RARB: variants seen among roughly 807,000 people sequenced by gnomAD.
RARB encodes the protein HBV-activated protein.
Under a neutral mutation model 51.9 loss-of-function variants are expected in RARB, and 17 were observed. That is an observed-to-expected ratio of 0.33 (90% CI 0.22 to 0.49). The LOEUF is 0.49. Ranked by LOEUF, RARB falls within the 20% of genes least tolerant of loss-of-function variation. RARB has a pLI of 0.99. For synonymous variants in RARB, 215 were observed against 195.4 expected, an observed-to-expected ratio of 1.10 and a Z score of -0.84; for missense variants, 369 against 550.8, an observed-to-expected ratio of 0.67 and a Z score of 3.30.
chr3:25,084,860 A>G (rs1699076579), intron 3 of RARB, among the ~76,000 whole-genome samples: 1 of 152,010 alleles, frequency 6.6e-6, no homozygotes, highest in Admixed American at 6.5e-5. Context: ...GTACATTTTA[A>G]AAGAGAATTT....
chr3:25,542,633 C>T (rs1006971125), intron 3 of RARB, among the ~76,000 whole-genome samples: 1 of 152,232 alleles, frequency 6.6e-6, no homozygotes, highest in Non-Finnish European at 1.5e-5. Context: ...TTTTATGTAA[C>T]GAAGCTTTGC....
intron 4 of RARB, among the ~76,000 whole-genome samples, chr3:25,167,408 C>G (rs321522): frequency 1 from 151,716 of 152,356 alleles, 75,539 homozygotes; most frequent in East Asian, 1. Context: ...GGAAGATGGA[C>G]AGCAAATGTG....
chr3:24,891,900 GC>G (rs767507223), intron 2 of RARB, among the ~76,000 whole-genome samples: 40 of 152,090 alleles, frequency 2.6e-4, no homozygotes, highest in Non-Finnish European at 3.1e-4. Context: ...ACTTTCCTAA[GC>G]CCCCCTTGAT....
intron 5 of RARB, among the ~76,000 whole-genome samples, chr3:25,416,491 G>A (rs893282210): frequency 3.3e-5 from 5 of 152,148 alleles, no homozygotes; most frequent in Non-Finnish European, 4.4e-5. Flanking sequence ...CAGGACTGCC[G>A]CTAGATTTCA....
chr3:25,207,762 A>C (rs1701586938), intron 5 of RARB, among the ~76,000 whole-genome samples: 1 of 152,204 alleles, frequency 6.6e-6, no homozygotes, highest in Admixed American at 6.5e-5. Flanking sequence ...GAATGAATGA[A>C]CGAATGCAAT....
At chr3:25,362,249 C>T (rs8179975) in intron 5 of RARB, among the ~76,000 whole-genome samples, 58,258 of 151,996 alleles carry the variant, frequency 0.38, 11,690 homozygotes, top group East Asian at 0.75. Context: ...GCAGTCGGCT[C>T]TGCCCAGGTC....
At chr3:24,906,071 A>G (rs1694856887) in intron 2 of RARB, among the ~76,000 whole-genome samples, 1 of 152,210 alleles carries the variant, frequency 6.6e-6, no homozygotes, top group East Asian at 1.9e-4. Flanking sequence ...CAGTACTAAC[A>G]AAAAATTAGA....
chr3:25,318,383 A>G (rs1452720892), intron 5 of RARB, among the ~76,000 whole-genome samples: 1 of 152,218 alleles, frequency 6.6e-6, no homozygotes, highest in Non-Finnish European at 1.5e-5. Flanking sequence ...AATGTGTCTA[A>G]TGTAAAATAA....
At chr3:24,890,617 C>G (rs1009590285) in intron 2 of RARB, among the ~76,000 whole-genome samples, 1 of 152,122 alleles carries the variant, frequency 6.6e-6, no homozygotes, top group African/African-American at 2.4e-5. Context: ...AAAGAAATGA[C>G]TTTGTCATGT....
intron 5 of RARB, among the ~76,000 whole-genome samples, chr3:25,272,460 C>T (rs9854131): frequency 0.018 from 2,804 of 152,310 alleles, 68 homozygotes; most frequent in African/African-American, 0.057. Context: ...ACATGGTAGT[C>T]ATCTGAGGCA....
At chr3:25,160,946 C>T (rs1700463621) in intron 4 of RARB, among the ~76,000 whole-genome samples, 1 of 152,084 alleles carries the variant, frequency 6.6e-6, no homozygotes, top group African/African-American at 2.4e-5. Flanking sequence ...CCTTTGCCTC[C>T]CTCTTGTAAG....
At chr3:25,230,640 G>T (rs1375583330) in intron 5 of RARB, among the ~76,000 whole-genome samples, 3 of 151,866 alleles carry the variant, frequency 2.0e-5, no homozygotes, top group Non-Finnish European at 2.9e-5. Flanking sequence ...ACATCACCTG[G>T]TTTAATCTTC....
intron 2 of RARB, among the ~76,000 whole-genome samples, chr3:25,018,558 A>G (rs1348085839): frequency 1.3e-5 from 2 of 152,222 alleles, no homozygotes. Flanking sequence ...TGTCACTAAT[A>G]ATAGGCAACT....
At chr3:25,590,193 T>G (rs1055409610) in intron 5 of RARB, among the ~76,000 whole-genome samples, 3 of 152,234 alleles carry the variant, frequency 2.0e-5, no homozygotes, top group Non-Finnish European at 4.4e-5. Flanking sequence ...GAACATAGTT[T>G]AAATGACTCA....
intron 2 of RARB, chr3:24,858,879 A>G (rs1225383334): frequency 6.6e-6 from 1 of 151,998 alleles, no homozygotes; most frequent in Non-Finnish European, 1.5e-5. Flanking sequence ...CCTATTAAAA[A>G]TACAAAAATT....
intron 5 of RARB, among the ~76,000 whole-genome samples, chr3:25,279,122 A>G (rs532154038): frequency 6.6e-6 from 1 of 152,202 alleles, no homozygotes; most frequent in Non-Finnish European, 1.5e-5. Context: ...ATCCTCTCAG[A>G]AGCCCCAGAA....
intron 4 of RARB, among the ~76,000 whole-genome samples, chr3:25,138,479 A>G (rs1302536089): frequency 6.6e-6 from 1 of 152,034 alleles, no homozygotes; most frequent in East Asian, 1.9e-4. Context: ...CCAATATTCA[A>G]CTTGCATTTG....
At chr3:25,575,632 C>G (rs969843543) in intron 4 of RARB, among the ~76,000 whole-genome samples, 5 of 152,162 alleles carry the variant, frequency 3.3e-5, no homozygotes, top group Non-Finnish European at 7.3e-5. Context: ...CCCTGTGTTT[C>G]TTCACATCGT....
At chr3:24,848,820 T>C (rs2125334901) in intron 1 of RARB, among the ~76,000 whole-genome samples, 1 of 152,360 alleles carries the variant, frequency 6.6e-6, no homozygotes, top group Admixed American at 6.5e-5. Context: ...TAGTGTGACC[T>C]TTCAGGCTGC....
Sources: gnomAD v4.1 joint callset for allele counts (sites outside exome capture counted in the v4.1 genomes callset) on GRCh38, gnomAD v4.1.1 for gene constraint, MANE v1.5 for transcripts, NCBI Gene and HGNC (gene_info 2026-07-23, HGNC 2026-07-21) for gene names.